Variants in DYNC1H1 observed in about 807,000 individuals in gnomAD.
DYNC1H1 encodes the protein dynein cytoplasmic 1 heavy chain 1, also known as cytoplasmic dynein 1 heavy chain 1.
DYNC1H1 carries 51 observed loss-of-function variants against 527.1 expected under a neutral mutation model. That is an observed-to-expected ratio of 0.10 (90% CI 0.08 to 0.12). DYNC1H1 has a LOEUF of 0.12. Among genes scored for constraint, DYNC1H1 ranks in the 10% least tolerant of loss-of-function variants. The pLI, the probability that DYNC1H1 is intolerant of heterozygous loss-of-function variation, is 1.00. For synonymous variants in DYNC1H1, 2,189 were observed against 2,278.8 expected, an observed-to-expected ratio of 0.96 and a Z score of 1.12; for missense variants, 2,771 against 5,971.8, an observed-to-expected ratio of 0.46 and a Z score of 17.66.
Position 102,001,764 on chromosome 14 carries a change from G to A in DYNC1H1, c.4542+83G>A. On this transcript the variant is annotated intron_variant, in intron 21 of 77. Transcript: ENST00000360184. The surrounding 1 kb of genome is among the most constrained non-coding windows in gnomAD (Gnocchi z 5.0). Reference sequence around the variant, plus strand: ...AATGCCTTTTCACTGACAGTTACTAGGTACCTGTTTTTTATTGTATTTTTT... The same window carrying A: ...AATGCCTTTTCACTGACAGTTACTAAGTACCTGTTTTTTATTGTATTTTTT... 3.2e-6 allele frequency: 5 copies of A among 1,575,344 alleles called. No homozygotes were observed. The highest frequency in any genetic ancestry group is 4.4e-6 in the Non-Finnish European group (5 of 1,149,268).
At position 101,964,978 on chromosome 14, in the gene DYNC1H1, AGCCAGGCCTCGCGGAATGCAGGGCCT is replaced by A; in HGVS notation, c.256+38_256+63del. On this transcript the variant is annotated intron_variant, in intron 1 of 77. Transcript: ENST00000360184. This position sits in a 1 kb window ranked among gnomAD's most constrained non-coding sequence, Gnocchi z 5.5. ...GGGCCGCGGAGGGCAGGGTCGCCAG[AGCCAGGCCTCGCGGAATGCAGGGCCT>A]GCCAGGTCCTCCGGGGTCGCAGATG... 1 of 1,573,964 alleles carries A rather than the reference AGCCAGGCCTCGCGGAATGCAGGGCCT, an allele frequency of 6.4e-7. No homozygotes were observed. The highest frequency in any genetic ancestry group is 8.6e-7 in the Non-Finnish European group (1 of 1,161,262).
In DYNC1H1 at chr14:102,000,354, C is replaced by T. The variant is rs1203453255; in HGVS notation, c.4029C>T (p.Ile1343=). ...AACTTTCTAAGGTTTGGGAGCAAATCGATCAGATGAAGGAGCAACCCTGGG... is the reference window on the plus strand; with the variant it reads ...AACTTTCTAAGGTTTGGGAGCAAATTGATCAGATGAAGGAGCAACCCTGGG... ...WSELSKVWEQ[I]DQMKEQPWVS... Residue 1343 remains isoleucine (I), a synonymous_variant, in exon 18 of 78, where the codon ATC becomes ATT. Coordinates refer to ENST00000360184, the MANE Select transcript of DYNC1H1 (RefSeq NM_001376.5). 4 of 1,614,050 alleles carry T rather than the reference C, an allele frequency of 2.5e-6. No homozygotes were observed. The highest frequency in any genetic ancestry group is 4.5e-5 in the East Asian group (2 of 44,878).
intron 52 of DYNC1H1, 103 bp from the exon 53 acceptor site, chr14:102,032,962 A>G: frequency 8.4e-7 from 1 of 1,193,704 alleles, no homozygotes; most frequent in Non-Finnish European, 1.2e-6. Context: ...TCACTGGGGC[A>G]ATGAGATGGG....
intron 2 of DYNC1H1, among the ~76,000 whole-genome samples, chr14:101,976,548 AG>A (rs2047803618): frequency 1.3e-5 from 2 of 151,862 alleles, no homozygotes; most frequent in Admixed American, 1.3e-4. Flanking sequence ...GTCTCAAAAA[AG>A]AAAAAAAAAA....
At position 102,034,036 on chromosome 14, in the gene DYNC1H1, A is replaced by C; in HGVS notation, c.10474A>C (p.Thr3492Pro). 1 of 1,614,102 alleles carries C rather than the reference A, an allele frequency of 6.2e-7. No individual in the cohort carries two copies. Among genetic ancestry groups the C allele is most frequent in the Non-Finnish European group, 8.5e-7 (1 of 1,180,028 alleles). The change falls in exon 55 of 78, where the codon ACA becomes CCA. Residue 3492 changes from threonine to proline, a missense_variant. Physicochemically the swap from Thr to Pro is conservative, Grantham distance 38. Coordinates refer to ENST00000360184, the MANE Select transcript of DYNC1H1 (RefSeq NM_001376.5). Reference protein sequence around the residue: ...LSAERERWEKTSETFKNQMST... With the variant: ...LSAERERWEKPSETFKNQMST... Reference sequence around the variant, plus strand: ...TGCTGAACGTGAACGATGGGAAAAAACAAGTGAAACTTTCAAAAACCAGAT... The same window carrying C: ...TGCTGAACGTGAACGATGGGAAAAACCAAGTGAAACTTTCAAAAACCAGAT...
intron 43 of DYNC1H1, 82 bp from the exon 44 acceptor site, chr14:102,026,492 G>A (rs1430931099): frequency 6.9e-7 from 1 of 1,448,264 alleles, no homozygotes; most frequent in Non-Finnish European, 9.6e-7. Flanking sequence ...GTTTCTTCAT[G>A]GTATGTGGAC....
chr14:102,012,209 A>G lies in DYNC1H1; in HGVS notation c.6857+96A>G. On this transcript the variant is annotated intron_variant, in intron 33 of 77. Coordinates refer to ENST00000360184, the MANE Select transcript of DYNC1H1 (RefSeq NM_001376.5). This position sits in a 1 kb window ranked among gnomAD's most constrained non-coding sequence, Gnocchi z 4.9. ...AGAGTATACGTTATTTTTCAACCAA[A>G]GTCTGAGCAAATTAAAGGTCATTTC... 13 of 1,612,054 alleles carry G rather than the reference A, an allele frequency of 8.1e-6. No homozygotes were observed. Among genetic ancestry groups the G allele is most frequent in the Non-Finnish European group, 1.1e-5 (13 of 1,178,418 alleles).
chr14:102,039,267 G>A lies in DYNC1H1; in HGVS notation c.11460+13G>A, dbSNP rs567926053. On this transcript the variant is annotated intron_variant, in intron 60 of 77. Transcript: ENST00000360184. This position sits in a 1 kb window ranked among gnomAD's most constrained non-coding sequence, Gnocchi z 7.0. The stretch of plus-strand genomic sequence containing the variant: ...GTCCCTCAAGCAGGTGGGTGCCTTG[G>A]CCATGCAGAGACTGGCGGGCCCCGC... The A allele has an allele frequency of 1.9e-6, 3 of 1,613,116 alleles. No homozygotes were observed. The highest frequency in any genetic ancestry group is 2.7e-5 in the African/African-American group (2 of 75,020).
chr14:101,996,191 G>A (rs111568649), intron 15 of DYNC1H1, among the ~76,000 whole-genome samples: 29,740 of 149,280 alleles, frequency 0.2, 4,059 homozygotes, highest in African/African-American at 0.39. Context: ...GTACAGTGGT[G>A]TGATCTCGGC....
Position 102,033,709 on chromosome 14 carries a change from T to A in DYNC1H1, c.10413+225T>A, listed in dbSNP as rs2152591952. 1 of 700,582 alleles carries A rather than the reference T, an allele frequency of 1.4e-6. No individual in the cohort carries two copies. The highest frequency in any genetic ancestry group is 2.7e-5 in the East Asian group (1 of 36,794). 43.4% of individuals were successfully genotyped at this position (700,582 alleles called of 1,614,324 possible). On this transcript the variant is annotated intron_variant, in intron 54 of 77. Coordinates refer to ENST00000360184, the MANE Select transcript of DYNC1H1 (RefSeq NM_001376.5). The surrounding 1 kb of genome is among the most constrained non-coding windows in gnomAD (Gnocchi z 5.6). ...AACTGGACACTTTTCAGCCGTTGAA[T>A]CCCCCACCAGCAGCTCCAGACCTGT...
chr14:101,998,483 A>G (rs888235322), intron 16 of DYNC1H1, among the ~76,000 whole-genome samples: 2 of 152,184 alleles, frequency 1.3e-5, no homozygotes, highest in African/African-American at 4.8e-5. Flanking sequence ...TCAAATTTTT[A>G]TTTATTTAGG....
At chr14:102,003,851 G>A (rs1466832147) in intron 23 of DYNC1H1, among the ~76,000 whole-genome samples, 1 of 152,078 alleles carries the variant, frequency 6.6e-6, no homozygotes, top group Non-Finnish European at 1.5e-5. Flanking sequence ...TCTTGAATCC[G>A]GGAGGCGGAG....
In DYNC1H1 at chr14:102,016,744, AC is replaced by A; in HGVS notation, c.7615-21del. 1 of 1,611,792 alleles carries A rather than the reference AC, an allele frequency of 6.2e-7. No individual in the cohort carries two copies. The highest frequency in any genetic ancestry group is 8.5e-7 in the Non-Finnish European group (1 of 1,179,208). On this transcript the variant is annotated intron_variant, in intron 37 of 77. Transcript: ENST00000360184. The surrounding 1 kb of genome is among the most constrained non-coding windows in gnomAD (Gnocchi z 7.3). ...AGGCACCTTGGTTGCAGCCGGACTC[AC>A]ACTTCCATCTCCGTGTGTAGGTGTC... is the stretch of plus-strand genomic sequence containing the variant.
In DYNC1H1 at chr14:102,010,346, G is replaced by T; in HGVS notation, c.6292G>T (p.Val2098Leu). 2 of 1,614,052 alleles carry T rather than the reference G, an allele frequency of 1.2e-6. No individual in the cohort carries two copies. Among genetic ancestry groups the T allele is most frequent in the Non-Finnish European group, 1.7e-6 (2 of 1,180,032 alleles). ...TCTTCGGGCTTTGAAGAGTGTGCTG[G>T]TGAGTGCAGGCAATGTGAAGAGAGA... ...FGLRALKSVL[V>L]SAGNVKRERI... Residue 2098 changes from valine to leucine, a missense_variant, in exon 31 of 78, where the codon GTG becomes TTG. By Grantham distance (32) the Val-to-Leu change is conservative (BLOSUM62 1). This residue lies in a region of DYNC1H1 where 56 missense variants were observed against 140.6 expected (regional missense o/e 0.40). Coordinates refer to ENST00000360184, the MANE Select transcript of DYNC1H1 (RefSeq NM_001376.5). This position sits in a 1 kb window ranked among gnomAD's most constrained non-coding sequence, Gnocchi z 6.0.
chr14:101,977,782 G>A lies in DYNC1H1; in HGVS notation c.345-1537G>A, dbSNP rs544401664. Among the ~76,000 whole-genome samples, 12 of 152,328 alleles carry A rather than the reference G, an allele frequency of 7.9e-5. No homozygotes were observed. The South Asian group carries it at 2.5e-3, about 32-fold the overall frequency. ...AACTGTTGGGTTTGCCTGATGTTTA[G>A]ATTCAGGTTATACGATTTTGGCAGA... On this transcript the variant is annotated intron_variant, in intron 2 of 77. Transcript: ENST00000360184.
At chr14:102,006,683 C>G in intron 27 of DYNC1H1, among the ~76,000 whole-genome samples, 1 of 151,958 alleles carries the variant, frequency 6.6e-6, no homozygotes, top group Non-Finnish European at 1.5e-5. Flanking sequence ...TCATTGCAAC[C>G]TCTGCCTCCC....
In DYNC1H1 at chr14:102,017,004, A is replaced by G. The variant is rs1248424527; in HGVS notation, c.7848+5A>G. 7 of 1,614,248 alleles carry G rather than the reference A, an allele frequency of 4.3e-6. No homozygotes were observed. Among genetic ancestry groups the G allele is most frequent in the Non-Finnish European group, 5.1e-6 (6 of 1,180,042 alleles). ...CGGGCCTTGCCTGACATGGAGGTAA[A>G]GAGGCCAGGAGGTGGGCAGCAGACC... On this transcript the variant is annotated splice_donor_5th_base_variant and intron_variant, in intron 38 of 77. Coordinates refer to ENST00000360184, the MANE Select transcript of DYNC1H1 (RefSeq NM_001376.5). This position sits in a 1 kb window ranked among gnomAD's most constrained non-coding sequence, Gnocchi z 4.6.
In DYNC1H1 at chr14:102,018,686, T is replaced by C; in HGVS notation, c.8343+70T>C. On this transcript the variant is annotated intron_variant, in intron 41 of 77. Transcript: ENST00000360184. This position sits in a 1 kb window ranked among gnomAD's most constrained non-coding sequence, Gnocchi z 5.2. The stretch of plus-strand genomic sequence containing the variant: ...TAATTAAGGCACTCGATTGGTCAGG[T>C]GTGGTGGTTCACACCTGTAATCCCA... 6.3e-7 allele frequency: 1 copy of C among 1,577,702 alleles called. No individual in the cohort carries two copies. Among genetic ancestry groups the C allele is most frequent in the Non-Finnish European group, 8.6e-7 (1 of 1,164,120 alleles).
chr14:101,983,250 C>G lies in DYNC1H1; in HGVS notation c.1193C>G (p.Thr398Ser). The G allele has an allele frequency of 6.2e-7, 1 of 1,614,180 alleles. No individual in the cohort carries two copies. The highest frequency in any genetic ancestry group is 8.5e-7 in the Non-Finnish European group (1 of 1,180,048). ...TCTCAATTACTCAAAGTATTGGGCA[C>G]TAGGAAATTGATGCATGTTGCTTAT... is the stretch of plus-strand genomic sequence containing the variant. ...LSSQLLKVLG[T>S]RKLMHVAYEE... The change falls in exon 6 of 78, where the codon ACT becomes AGT. Residue 398 changes from threonine to serine, a missense_variant. Coordinates refer to ENST00000360184, the MANE Select transcript of DYNC1H1 (RefSeq NM_001376.5). This position sits in a 1 kb window ranked among gnomAD's most constrained non-coding sequence, Gnocchi z 5.3.
Sources: allele counts gnomAD v4.1 joint callset (sites outside exome capture counted in the v4.1 genomes callset), GRCh38; gene constraint gnomAD v4.1.1; regional missense constraint gnomAD v4.1.1; non-coding constraint Gnocchi (gnomAD v3.1); transcripts MANE v1.5; gene names NCBI Gene and HGNC (gene_info 2026-07-23, HGNC 2026-07-21).